XRCC4: variants seen among roughly 807,000 people sequenced by gnomAD.
XRCC4 encodes the protein X-ray repair cross complementing 4, also known as DNA repair protein XRCC4.
XRCC4 carries 28 observed loss-of-function variants against 39.1 expected under a neutral mutation model. The observed-to-expected ratio is 0.72, with a 90% CI of 0.53 to 0.98. XRCC4 has a LOEUF of 0.98. Among genes scored for constraint, XRCC4 ranks in the 50% least tolerant of loss-of-function variants. The pLI is 0.00. For missense variants in XRCC4, 350 were observed against 376.4 expected (o/e 0.93, Z 0.58); for synonymous variants, 123 against 126.4 (o/e 0.97, Z 0.18).
At chr5:83,271,462 G>A (rs1349773087) in intron 7 of XRCC4, among the ~76,000 whole-genome samples, 1 of 151,992 alleles carries the variant, frequency 6.6e-6, no homozygotes, top group Non-Finnish European at 1.5e-5. Flanking sequence ...ATATTGGGAT[G>A]GAATTTATTA....
intron 1 of XRCC4, among the ~76,000 whole-genome samples, chr5:83,092,740 C>T (rs1391044357): frequency 6.6e-6 from 1 of 151,814 alleles, no homozygotes; most frequent in African/African-American, 2.4e-5. Context: ...TTGTAAGCCT[C>T]ATGGTAGCCA....
intron 4 of XRCC4, chr5:83,202,205 C>A (rs1197918208): frequency 6.6e-6 from 1 of 152,124 alleles, no homozygotes; most frequent in Non-Finnish European, 1.5e-5. Context: ...ACGAATAAAC[C>A]ACTGGGAAAA....
Position 83,300,546 on chromosome 5 carries a change from T to TTGTGTGTGTGTG in XRCC4, c.893+41889_893+41900dup, listed in dbSNP as rs70973389. ...ATGACACACTAATTTTATCTTTTGTTTGTGTGTGTGTGTGTGTGTGTGTGT... is the reference window on the plus strand; with the variant it reads ...ATGACACACTAATTTTATCTTTTGTTTGTGTGTGTGTGTGTGTGTGTGTGTGTGTGTGTGTGT... On this transcript the variant is annotated intron_variant, in intron 7 of 7. Transcript: ENST00000396027. Among the ~76,000 whole-genome samples the TTGTGTGTGTGTG allele has an allele frequency of 8.0e-4, 102 of 126,988 alleles. 1 individual carries two copies. The East Asian group carries it at 0.01, about 13-fold the overall frequency. 83.3% of individuals were successfully genotyped at this position (126,988 alleles called of 152,430 possible).
At chr5:83,083,357 T>C (rs1480176384) in intron 1 of XRCC4, among the ~76,000 whole-genome samples, 1 of 150,670 alleles carries the variant, frequency 6.6e-6, no homozygotes, top group East Asian at 1.9e-4. Flanking sequence ...CTGACTTGAT[T>C]GGGTGTTTGA....
chr5:83,150,451 A>G (rs1372944111), intron 3 of XRCC4, among the ~76,000 whole-genome samples: 1 of 152,130 alleles, frequency 6.6e-6, no homozygotes, highest in Non-Finnish European at 1.5e-5. Context: ...TTGTTTGCAT[A>G]ACAGAGGTCA....
chr5:83,311,455 A>G (rs73138283), intron 7 of XRCC4, among the ~76,000 whole-genome samples: 11,912 of 152,260 alleles, frequency 0.078, 1,375 homozygotes, highest in African/African-American at 0.26. Flanking sequence ...GAATGTATCA[A>G]ATTATCACAT....
intron 3 of XRCC4, among the ~76,000 whole-genome samples, chr5:83,139,012 A>G (rs1344167367): frequency 6.6e-6 from 1 of 152,118 alleles, no homozygotes; most frequent in Non-Finnish European, 1.5e-5. Context: ...CCATTATATA[A>G]TTATAGTACA....
At chr5:83,194,641 G>A (rs1030987006) in intron 3 of XRCC4, among the ~76,000 whole-genome samples, 5 of 151,902 alleles carry the variant, frequency 3.3e-5, no homozygotes, top group African/African-American at 1.2e-4. Context: ...CAATCTAGGA[G>A]GCAAAAAACA....
chr5:83,198,660 G>A (rs142602153), intron 4 of XRCC4, among the ~76,000 whole-genome samples: 1 of 152,082 alleles, frequency 6.6e-6, no homozygotes, highest in African/African-American at 2.4e-5. Context: ...CAATTATAAA[G>A]CTATTTTCAT....
chr5:83,330,745 C>T (rs1008589207), intron 7 of XRCC4, among the ~76,000 whole-genome samples: 2 of 151,880 alleles, frequency 1.3e-5, no homozygotes, highest in Non-Finnish European at 2.9e-5. Context: ...TCAAATATTA[C>T]ATAAAATATT....
At chr5:83,116,608 CTTTTTTTTTTTTTTTTTTTTT>C (rs559079642) in intron 3 of XRCC4, among the ~76,000 whole-genome samples, 1 of 103,196 alleles carries the variant, frequency 9.7e-6, no homozygotes, top group African/African-American at 3.4e-5. Context: ...TTCTCTCTCT[CTTTTTTTTTTTTTTTTTTTTT>C]TTTTTTTTTT....
intron 3 of XRCC4, among the ~76,000 whole-genome samples, chr5:83,140,529 T>G (rs541482239): frequency 6.6e-6 from 1 of 152,182 alleles, no homozygotes; most frequent in Non-Finnish European, 1.5e-5. Flanking sequence ...GGCAACACCC[T>G]TAAAGACACA....
intron 6 of XRCC4, among the ~76,000 whole-genome samples, chr5:83,235,687 C>T (rs1419569864): frequency 3.9e-5 from 6 of 152,040 alleles, no homozygotes; most frequent in African/African-American, 1.2e-4. Context: ...GACTTTTACT[C>T]ACAATGTTTA....
chr5:83,197,270 A>G (rs1003983783), intron 4 of XRCC4, among the ~76,000 whole-genome samples: 2 of 152,246 alleles, frequency 1.3e-5, no homozygotes, highest in East Asian at 3.9e-4. Context: ...CTGTACTACA[A>G]AGCATTTCTT....
At chr5:83,216,132 C>G (rs1270647005) in intron 6 of XRCC4, among the ~76,000 whole-genome samples, 1 of 151,942 alleles carries the variant, frequency 6.6e-6, no homozygotes, top group Non-Finnish European at 1.5e-5. Flanking sequence ...AAATAAACAA[C>G]TGGGTCAAAA....
chr5:83,306,066 A>G (rs1580490012), intron 7 of XRCC4, among the ~76,000 whole-genome samples: 2 of 152,190 alleles, frequency 1.3e-5, no homozygotes, highest in East Asian at 3.8e-4. Flanking sequence ...CAGTTTTAAA[A>G]AATACTGTTA....
chr5:83,252,613 T>G (rs1260817273), intron 6 of XRCC4, among the ~76,000 whole-genome samples: 4 of 152,180 alleles, frequency 2.6e-5, no homozygotes, highest in Non-Finnish European at 2.9e-5. Flanking sequence ...TGTAAATATG[T>G]ACATTGATTT....
intron 3 of XRCC4, among the ~76,000 whole-genome samples, chr5:83,179,208 T>C (rs1750095981): frequency 1.3e-5 from 2 of 152,228 alleles, no homozygotes. Flanking sequence ...CTCAAATGTC[T>C]AACACCTAAC....
chr5:83,185,276 A>G (rs1304133237), intron 3 of XRCC4, among the ~76,000 whole-genome samples: 2 of 151,906 alleles, frequency 1.3e-5, no homozygotes, highest in Admixed American at 1.3e-4. Flanking sequence ...GGGGAATTCA[A>G]TATTACTTTG....
Sources: allele counts gnomAD v4.1 joint callset (sites outside exome capture counted in the v4.1 genomes callset), GRCh38; gene constraint gnomAD v4.1.1; transcripts MANE v1.5; gene names NCBI Gene and HGNC (gene_info 2026-07-23, HGNC 2026-07-21).